Variants in CASD1 observed in about 807,000 individuals in gnomAD.
The protein encoded by CASD1 is CAS1 domain sialic acid O acetyltransferase 1.
Under a neutral mutation model 100.0 loss-of-function variants are expected in CASD1, and 41 were observed. The ratio of observed to expected loss-of-function variants is 0.41; its 90% CI spans 0.32 to 0.53. The LOEUF (loss-of-function observed/expected upper bound fraction) is 0.53. Among genes scored for constraint, CASD1 ranks in the 20% least tolerant of loss-of-function variants. The pLI is 0.25. For synonymous variants in CASD1, 321 were observed against 315.6 expected (o/e 1.02, Z -0.18); for missense variants, 774 against 948.7 (o/e 0.82, Z 2.42).
At chr7:94,514,256 T>G (rs553085059) in intron 1 of CASD1, among the ~76,000 whole-genome samples, 1 of 152,166 alleles carries the variant, frequency 6.6e-6, no homozygotes, top group Admixed American at 6.5e-5. Flanking sequence ...CTTTTCTTTC[T>G]TTGACTGTTA....
At chr7:94,561,523 A>G (rs1008535382), downstream of CASD1, among the ~76,000 whole-genome samples, 4 of 152,136 alleles carry the variant, frequency 2.6e-5, no homozygotes, top group Non-Finnish European at 4.4e-5. Flanking sequence ...CCAAACTAAA[A>G]TTAATTAAGA....
In CASD1 at chr7:94,551,446, T is replaced by A. The variant is rs1429420577; in HGVS notation, c.1924T>A (p.Phe642Ile). The stretch of plus-strand genomic sequence containing the variant: ...TCTTTTTTCAAACAAAATTTCAAAT[T>A]TTCTGTTGTTTATTTCAGTAGTTTC... ...EPLFSNKISN[F>I]LLFISVVSFL... Residue 642 changes from phenylalanine (F) to isoleucine (I), a missense_variant, in exon 15 of 18, where the codon TTT (phenylalanine) becomes ATT (isoleucine). Around this residue, in one of 5 missense-constraint regions of CASD1, gnomAD observed 175 missense variants for 206.9 expected, o/e 0.85. Transcript: ENST00000297273. 31 of 1,523,220 alleles carry A rather than the reference T, an allele frequency of 2.0e-5. No homozygotes were observed. The highest frequency in any genetic ancestry group is 2.5e-5 in the Non-Finnish European group (29 of 1,140,972). The allele number at this position is 1,523,220 out of a possible 1,614,324, so 94.4% of individuals were successfully genotyped here.
intron 8 of CASD1, 33 bp from the exon 9 acceptor site, chr7:94,537,439 A>C (rs1795174557): frequency 1.3e-6 from 2 of 1,552,876 alleles, no homozygotes; most frequent in South Asian, 2.4e-5. Context: ...ATCACTGACA[A>C]GATAATAACC....
At chr7:94,558,558 A>G (rs1426570146), downstream of CASD1, among the ~76,000 whole-genome samples, 1 of 152,190 alleles carries the variant, frequency 6.6e-6, no homozygotes, top group African/African-American at 2.4e-5. Flanking sequence ...ACCACTTTGA[A>G]TATTTCTCTG....
In CASD1 at chr7:94,510,089, CGGCTCT is replaced by C; in HGVS notation, c.9_14del (p.Leu4_Ala5del). The stretch of plus-strand genomic sequence containing the variant: ...TGTTGTCATGGAGGAACCAAGATGG[CGGCTCT>C]GGCCTACAACCTGGGCAAGCGGGAG... On this transcript the variant is annotated inframe_deletion, in exon 1 of 18. Transcript: ENST00000297273. The C allele has an allele frequency of 6.6e-7, 1 of 1,518,854 alleles. No homozygotes were observed. Among genetic ancestry groups the C allele is most frequent in the South Asian group, 1.2e-5 (1 of 80,656 alleles). 94.1% of individuals were successfully genotyped at this position (1,518,854 alleles called of 1,614,324 possible). A position where few individuals can be genotyped will look rare whatever the true frequency, so the allele number is the denominator to read the frequency against.
chr7:94,598,252 G>A, the CASD1 span: 1 of 175,180 alleles, frequency 5.7e-6, no homozygotes, highest in Non-Finnish European at 1.2e-5. Flanking sequence ...TATAGCACTA[G>A]ACAAGGTTTG....
chr7:94,548,670 ATAT>A (rs1361384869), intron 13 of CASD1, among the ~76,000 whole-genome samples: 2 of 151,816 alleles, frequency 1.3e-5, no homozygotes, highest in African/African-American at 4.8e-5. Context: ...CTAAAATATA[ATAT>A]TATTTTCATC....
At chr7:94,623,320 C>T in the CASD1 span, 2 of 1,545,186 alleles carry the variant, frequency 1.3e-6, no homozygotes, top group Admixed American at 1.7e-5. Flanking sequence ...TATTTTCATA[C>T]CTACCTTCTG....
chr7:94,614,107 C>T, the CASD1 span, among the ~76,000 whole-genome samples: 29 of 94,936 alleles, frequency 3.1e-4, no homozygotes, highest in African/African-American at 1.4e-3. Context: ...AAATTGAAAT[C>T]AAAAAAAAAA....
chr7:94,604,851 A>ATT, the CASD1 span, among the ~76,000 whole-genome samples: 1 of 102,488 alleles, frequency 9.8e-6, no homozygotes, highest in East Asian at 3.1e-4. Flanking sequence ...ATATATATAT[A>ATT]TATATATAAT....
chr7:94,539,676 A>G (rs1347541524), intron 10 of CASD1, among the ~76,000 whole-genome samples: 1 of 151,736 alleles, frequency 6.6e-6, no homozygotes, highest in African/African-American at 2.4e-5. Flanking sequence ...CTCAAAAAAA[A>G]AAAAAAAAGA....
At chr7:94,539,185 T>C (rs1795264371) in intron 10 of CASD1, 129 bp downstream of exon 10, 2 of 433,848 alleles carry the variant, frequency 4.6e-6, no homozygotes, top group Non-Finnish European at 4.0e-6. Flanking sequence ...TCCCACTTAA[T>C]CTTTCCGCCT....
downstream of CASD1, among the ~76,000 whole-genome samples, chr7:94,559,109 G>T (rs1255459509): frequency 6.6e-6 from 1 of 151,936 alleles, no homozygotes; most frequent in African/African-American, 2.4e-5. Flanking sequence ...CTGATTTTCT[G>T]ATTTTAAATC....
At chr7:94,529,711 G>A (rs1794753702) in intron 5 of CASD1, among the ~76,000 whole-genome samples, 1 of 152,140 alleles carries the variant, frequency 6.6e-6, no homozygotes, top group Non-Finnish European at 1.5e-5. Context: ...CAATCTAGTA[G>A]ATGGTGAATT....
chr7:94,564,926 G>A, the CASD1 span, among the ~76,000 whole-genome samples: 1 of 152,088 alleles, frequency 6.6e-6, no homozygotes, highest in South Asian at 2.1e-4. Flanking sequence ...TTTAGGTAAT[G>A]GGTTCCAGAT....
At chr7:94,542,534 G>A (rs1049086460) in intron 10 of CASD1, among the ~76,000 whole-genome samples, 1 of 151,996 alleles carries the variant, frequency 6.6e-6, no homozygotes, top group Non-Finnish European at 1.5e-5. Flanking sequence ...AAAATGCTCT[G>A]GTAACCTCAT....
At chr7:94,614,612 C>T in the CASD1 span, among the ~76,000 whole-genome samples, 1 of 152,124 alleles carries the variant, frequency 6.6e-6, no homozygotes, top group Admixed American at 6.6e-5. Context: ...TCTCAGCAGG[C>T]TAATTTGTAC....
the CASD1 span, among the ~76,000 whole-genome samples, chr7:94,563,854 A>G: frequency 2.0e-5 from 3 of 152,096 alleles, no homozygotes; most frequent in Admixed American, 6.6e-5. Flanking sequence ...ATTTTGATGG[A>G]CATGTCTTGT....
chr7:94,612,436 C>A, the CASD1 span, among the ~76,000 whole-genome samples: 19 of 152,108 alleles, frequency 1.2e-4, no homozygotes, highest in South Asian at 3.1e-3. Context: ...AATTTTGTAT[C>A]CTGCTTTTTC....
Sources: allele counts gnomAD v4.1 joint callset (sites outside exome capture counted in the v4.1 genomes callset), GRCh38; gene constraint gnomAD v4.1.1; regional missense constraint gnomAD v4.1.1; transcripts MANE v1.5; gene names NCBI Gene and HGNC (gene_info 2026-07-23, HGNC 2026-07-21).